Variants in GRHL1 observed in about 807,000 individuals in gnomAD.
GRHL1 encodes the protein grainyhead-like protein 1 homolog.
GRHL1 carries 38 observed loss-of-function variants against 75.7 expected under a neutral mutation model. The ratio of observed to expected loss-of-function variants is 0.50; its 90% CI spans 0.39 to 0.66. GRHL1 has a LOEUF of 0.66. Among genes scored for constraint, GRHL1 ranks in the 30% least tolerant of loss-of-function variants. The pLI is 0.00. For missense variants in GRHL1, 589 were observed against 767.5 expected (o/e 0.77, Z 2.75); for synonymous variants, 266 against 279.4 (o/e 0.95, Z 0.48).
chr2:9,994,966 A>G lies in GRHL1; in HGVS notation c.1500-913A>G, dbSNP rs185755928. On this transcript the variant is annotated intron_variant, in intron 12 of 15. Transcript: ENST00000324907. ...CTCCTTCCCCTGGTTTTTCTGCTTGAAGGTCCTGGGGTCCCCTCCAGTCTT... is the reference window on the plus strand; with the variant it reads ...CTCCTTCCCCTGGTTTTTCTGCTTGGAGGTCCTGGGGTCCCCTCCAGTCTT... Among the ~76,000 whole-genome samples the G allele has an allele frequency of 4.7e-4, 71 of 152,212 alleles. 1 individual carries two copies. The highest frequency in any genetic ancestry group is 1.4e-3 in the African/African-American group (60 of 41,524).
chr2:9,997,818 C>G (rs1179823556), intron 14 of GRHL1, among the ~76,000 whole-genome samples: 1 of 126,816 alleles, frequency 7.9e-6, no homozygotes, highest in Non-Finnish European at 1.7e-5. Flanking sequence ...GACTCCGTCT[C>G]AAAAAAAAAA....
intron 8 of GRHL1, among the ~76,000 whole-genome samples, chr2:9,981,513 G>C (rs79814101): frequency 0.026 from 4,004 of 152,330 alleles, 175 homozygotes; most frequent in African/African-American, 0.091. Flanking sequence ...GGCCAGCTAG[G>C]TGCCTGCTTA....
intron 3 of GRHL1, 183 bp downstream of exon 3, chr2:9,959,039 T>C: frequency 2.2e-6 from 2 of 906,436 alleles, no homozygotes; most frequent in East Asian, 3.1e-5. Context: ...TTTCCTTTTT[T>C]CTTTGGGCGT....
intron 9 of GRHL1, among the ~76,000 whole-genome samples, chr2:9,989,840 G>A (rs370014696): frequency 2.3e-4 from 35 of 152,154 alleles, no homozygotes; most frequent in African/African-American, 7.7e-4. Context: ...GTGAGCCACC[G>A]CGCCCAGCCC....
intron 9 of GRHL1, among the ~76,000 whole-genome samples, chr2:9,988,520 C>A (rs891406543): frequency 6.6e-6 from 1 of 152,060 alleles, no homozygotes; most frequent in Non-Finnish European, 1.5e-5. Flanking sequence ...CTGTTGGTAC[C>A]CGGCCACGTA....
In GRHL1 at chr2:9,954,011, A is replaced by G. The variant is rs80344405; in HGVS notation, c.21-904A>G. Among the ~76,000 whole-genome samples, 1,417 of 152,316 alleles carry G rather than the reference A, an allele frequency of 9.3e-3. 7 individuals carry two copies. The highest frequency in any genetic ancestry group is 0.027 in the Middle Eastern group (8 of 294). On this transcript the variant is annotated intron_variant, in intron 1 of 15. Transcript: ENST00000324907. ...AGTTGTTGAGACTGTTTACATTTCA[A>G]GTTTTTGGAATTAGTAATGTTTGCT... is the stretch of plus-strand genomic sequence containing the variant.
intron 14 of GRHL1, among the ~76,000 whole-genome samples, chr2:9,997,779 C>T (rs539879004): frequency 2.0e-5 from 3 of 150,984 alleles, no homozygotes; most frequent in African/African-American, 4.9e-5. Context: ...GCTGAGATCC[C>T]GCCACTGTAC....
intron 1 of GRHL1, chr2:9,952,792 C>G: frequency 3.7e-6 from 1 of 268,762 alleles, no homozygotes; most frequent in Non-Finnish European, 7.4e-6. Flanking sequence ...AGATAGGTAC[C>G]CCTCCCAGTT....
chr2:9,954,079 C>T (rs978711027), intron 1 of GRHL1, among the ~76,000 whole-genome samples: 1 of 152,072 alleles, frequency 6.6e-6, no homozygotes, highest in Non-Finnish European at 1.5e-5. Context: ...TCACTAAGAT[C>T]GCCATTGATT....
chr2:9,967,754 C>T (rs573063914), intron 8 of GRHL1, among the ~76,000 whole-genome samples: 1 of 151,500 alleles, frequency 6.6e-6, no homozygotes, highest in East Asian at 1.9e-4. Context: ...CTCAGGGCAG[C>T]AAGAGTGAAC....
At chr2:9,998,667 T>TACACACATATATACATATATATGTAC (rs756145690) in intron 14 of GRHL1, among the ~76,000 whole-genome samples, 2 of 68,946 alleles carry the variant, frequency 2.9e-5, no homozygotes, top group South Asian at 8.1e-4. Flanking sequence ...CATATATATG[T>TACACACATATATACATATATATGTAC]ACACATATAT....
In GRHL1 at chr2:9,984,158, A is replaced by C. The variant is rs1193744208; in HGVS notation, c.1111-1966A>C. On this transcript the variant is annotated intron_variant, in intron 8 of 15. Transcript: ENST00000324907. ...GCCTGGGCAACAAGAGCAAAACTTC[A>C]TCTCAAAAAAAAAAAGTTACTATAG... 2.7e-5 allele frequency among the ~76,000 whole-genome samples: 4 copies of C among 150,912 alleles called. No individual in the cohort carries two copies. The East Asian group carries it at 5.8e-4, about 22-fold the overall frequency.
At position 9,961,212 on chromosome 2, in the gene GRHL1, A is replaced by G; in HGVS notation, c.445A>G (p.Ile149Val). 6.2e-7 allele frequency: 1 copy of G among 1,614,134 alleles called. No individual in the cohort carries two copies. The highest frequency in any genetic ancestry group is 1.1e-5 in the South Asian group (1 of 91,084). ...TAPDTTVTVSIATMPTHSIKT... is the reference protein window; with the variant it reads ...TAPDTTVTVSVATMPTHSIKT... ...TCCAGATACGACAGTCACTGTCTCC[A>G]TAGCAACGATGCCTACCCACTCCAT... is the stretch of plus-strand genomic sequence containing the variant. The change falls in exon 4 of 16, where the codon ATA becomes GTA. Residue 149 changes from isoleucine to valine, a missense_variant. By Grantham distance (29) the Ile-to-Val change is conservative. This residue lies in a region of GRHL1 where 362 missense variants were observed against 461.8 expected (regional missense o/e 0.78). Transcript: ENST00000324907.
At position 9,992,113 on chromosome 2, in the gene GRHL1, C is replaced by T. The variant is rs575432176; in HGVS notation, c.1428C>T (p.Asp476=). Residue 476 remains aspartate, a synonymous_variant, in exon 11 of 16, where the codon GAC becomes GAT. Transcript: ENST00000324907. This position sits in a 1 kb window ranked among gnomAD's most constrained non-coding sequence, Gnocchi z 4.6. ...LDTQPVLFIP[D]VHFANLQRGT... is the part of the protein sequence containing the mutation. Reference sequence around the variant, plus strand: ...CTCAGCCTGTCCTCTTCATTCCTGACGTGCACTTTGCCAACTTGCAGCGGG... The same window carrying T: ...CTCAGCCTGTCCTCTTCATTCCTGATGTGCACTTTGCCAACTTGCAGCGGG... 41 of 1,613,508 alleles carry T rather than the reference C, an allele frequency of 2.5e-5. No individual in the cohort carries two copies. Among genetic ancestry groups the T allele is most frequent in the Middle Eastern group, 1.6e-4 (1 of 6,062 alleles).
At chr2:9,983,201 T>G (rs2125233166) in intron 8 of GRHL1, among the ~76,000 whole-genome samples, 1 of 141,754 alleles carries the variant, frequency 7.1e-6, no homozygotes, top group Middle Eastern at 3.7e-3. Flanking sequence ...CTTTGGCATC[T>G]TCGGCCCACT....
Position 9,987,419 on chromosome 2 carries a change from C to T in GRHL1, c.1269+1137C>T, listed in dbSNP as rs1038226247. 1.4e-4 allele frequency among the ~76,000 whole-genome samples: 22 copies of T among 152,132 alleles called. No individual in the cohort carries two copies. Among genetic ancestry groups the T allele is most frequent in the African/African-American group, 5.1e-4 (21 of 41,410 alleles). ...TAAGTAAAGGAGGTGCACACAGGACCCTCTGAGCCCAGCTGCTGGAAGTGT... is the reference window on the plus strand; with the variant it reads ...TAAGTAAAGGAGGTGCACACAGGACTCTCTGAGCCCAGCTGCTGGAAGTGT... On this transcript the variant is annotated intron_variant, in intron 9 of 15. Transcript: ENST00000324907. The surrounding 1 kb of genome is among the most constrained non-coding windows in gnomAD (Gnocchi z 4.2).
At chr2:9,984,438 T>C (rs1668334319) in intron 8 of GRHL1, among the ~76,000 whole-genome samples, 1 of 152,184 alleles carries the variant, frequency 6.6e-6, no homozygotes, top group African/African-American at 2.4e-5. Context: ...GAAAGGGAGC[T>C]CAAAAACATT....
At chr2:9,985,023 A>G (rs1668355961) in intron 8 of GRHL1, among the ~76,000 whole-genome samples, 1 of 151,408 alleles carries the variant, frequency 6.6e-6, no homozygotes, top group Non-Finnish European at 1.5e-5. Flanking sequence ...AGCTGAGATC[A>G]CACCACCACA....
intron 8 of GRHL1, among the ~76,000 whole-genome samples, chr2:9,984,263 T>C (rs979400800): frequency 1.3e-5 from 2 of 152,158 alleles, no homozygotes; most frequent in Non-Finnish European, 2.9e-5. Flanking sequence ...CTGCTTGTGG[T>C]GGACCCATTC....
Sources: allele counts gnomAD v4.1 joint callset (sites outside exome capture counted in the v4.1 genomes callset), GRCh38; gene constraint gnomAD v4.1.1; regional missense constraint gnomAD v4.1.1; non-coding constraint Gnocchi (gnomAD v3.1); transcripts MANE v1.5; gene names NCBI Gene and HGNC (gene_info 2026-07-23, HGNC 2026-07-21).